The following BCL2L11 variants were observed in gnomAD, a reference collection of about 807,000 sequenced individuals.
BCL2L11 encodes bcl-2-like protein 11.
BCL2L11 carries 15 observed loss-of-function variants against 20.6 expected under a neutral mutation model. The ratio of observed to expected loss-of-function variants is 0.73; its 90% CI spans 0.49 to 1.12. The LOEUF (loss-of-function observed/expected upper bound fraction) is 1.12, where lower values mean the gene tolerates loss of function less well. BCL2L11 is among the 50% of genes most tolerant of loss of function. The pLI is 0.00. For synonymous variants in BCL2L11, 108 were observed against 92.8 expected, an observed-to-expected ratio of 1.16 and a Z score of -0.94; for missense variants, 292 against 260.9, an observed-to-expected ratio of 1.12 and a Z score of -0.82.
At chr2:111,126,793 G>A (rs2072720795) in intron 2 of BCL2L11, among the ~76,000 whole-genome samples, 1 of 152,156 alleles carries the variant, frequency 6.6e-6, no homozygotes, top group Non-Finnish European at 1.5e-5. Context: ...AAGTCATTAT[G>A]ATTGGTTTGA....
intron 1 of BCL2L11, chr2:111,122,881 G>C (rs1035718241): frequency 2.0e-6 from 2 of 985,372 alleles, no homozygotes; most frequent in African/African-American, 3.5e-5. Flanking sequence ...CGCGGGGCTT[G>C]GTCCCTGGCC....
At chr2:111,151,705 G>A (rs888982936) in intron 3 of BCL2L11, 25 of 838,184 alleles carry the variant, frequency 3.0e-5, no homozygotes, top group Middle Eastern at 2.2e-4. Context: ...AACACACATC[G>A]GATCTTCCTA....
intron 2 of BCL2L11, among the ~76,000 whole-genome samples, chr2:111,137,770 T>C (rs2075160860): frequency 6.6e-6 from 1 of 152,028 alleles, no homozygotes; most frequent in South Asian, 2.1e-4. Flanking sequence ...ATTCTGCCCT[T>C]TTTTTGGCAG....
chr2:111,167,740 A>G lies in BCL2L11; in HGVS notation c.*3509A>G, dbSNP rs980409663. 1 of 152,336 alleles carries G rather than the reference A, an allele frequency of 6.6e-6. No individual in the cohort carries two copies. Among genetic ancestry groups the G allele is most frequent in the African/African-American group, 2.4e-5 (1 of 41,420 alleles). The allele number at this position is 152,336 out of a possible 1,614,324, so 9.4% of individuals were successfully genotyped here. ...GCAACTTCCTGTGCTTTGAGGTTGG[A>G]CTAACTTGTCTTCAGGAGCTAATTA... On this transcript the variant is annotated 3_prime_UTR_variant, in exon 4 of 4. Coordinates refer to ENST00000393256, the MANE Select transcript of BCL2L11 (RefSeq NM_138621.5).
chr2:111,151,709 C>A, intron 3 of BCL2L11: 1 of 867,412 alleles, frequency 1.2e-6, no homozygotes, highest in African/African-American at 1.7e-5. Flanking sequence ...CACATCGGAT[C>A]TTCCTACCTT....
At chr2:111,161,624 C>T in intron 3 of BCL2L11, 1 of 1,453,292 alleles carries the variant, frequency 6.9e-7, no homozygotes, top group Non-Finnish European at 9.1e-7. Context: ...CTGGCTCAGT[C>T]TTAGTGTCAT....
chr2:111,122,879 T>C, intron 1 of BCL2L11: 1 of 985,424 alleles, frequency 1.0e-6, no homozygotes, highest in Non-Finnish European at 1.2e-6. Context: ...GCCGCGGGGC[T>C]TGGTCCCTGG....
At chr2:111,131,176 T>G (rs1307379480) in intron 2 of BCL2L11, among the ~76,000 whole-genome samples, 4 of 129,580 alleles carry the variant, frequency 3.1e-5, no homozygotes. Flanking sequence ...TAGAATTCTG[T>G]AGTGAAACCA....
intron 3 of BCL2L11, chr2:111,151,855 A>C: frequency 6.5e-7 from 1 of 1,550,026 alleles, no homozygotes; most frequent in Non-Finnish European, 8.7e-7. Flanking sequence ...CACCTGACAT[A>C]AACCAGTTCA....
At chr2:111,129,359 A>G (rs1037178268) in intron 2 of BCL2L11, among the ~76,000 whole-genome samples, 1 of 152,242 alleles carries the variant, frequency 6.6e-6, no homozygotes, top group African/African-American at 2.4e-5. Context: ...AGAAAGTGCT[A>G]GAAGAGAAAG....
intron 2 of BCL2L11, chr2:111,146,275 A>G: frequency 1.0e-6 from 1 of 960,654 alleles, no homozygotes. Context: ...AAATAAAACC[A>G]TTTTATAGAC....
chr2:111,151,842 C>G (rs1459513863), intron 3 of BCL2L11: 1 of 1,549,536 alleles, frequency 6.5e-7, no homozygotes, highest in Non-Finnish European at 8.7e-7. Flanking sequence ...TCCTGGCATC[C>G]TCCACCTGAC....
chr2:111,130,419 A>G (rs758465825), intron 2 of BCL2L11, among the ~76,000 whole-genome samples: 1 of 152,306 alleles, frequency 6.6e-6, no homozygotes, highest in Middle Eastern at 3.4e-3. Context: ...TTTAGCATCT[A>G]TGTGTTCACT....
intron 3 of BCL2L11, chr2:111,153,652 G>GAT: frequency 2.7e-6 from 3 of 1,126,150 alleles, no homozygotes; most frequent in Non-Finnish European, 3.9e-6. Flanking sequence ...CTTTAGGATG[G>GAT]ATATTAACCT....
chr2:111,161,388 G>A (rs1303046942), intron 3 of BCL2L11: 1 of 1,549,826 alleles, frequency 6.5e-7, no homozygotes, highest in Admixed American at 2.0e-5. Flanking sequence ...GTTTGGGAGT[G>A]GCAGAACTTA....
chr2:111,126,629 C>T (rs1030914873), intron 2 of BCL2L11, among the ~76,000 whole-genome samples: 1 of 152,076 alleles, frequency 6.6e-6, no homozygotes, highest in African/African-American at 2.4e-5. Flanking sequence ...TCTGGACATT[C>T]TACAGTCTTA....
chr2:111,142,267 G>A, intron 2 of BCL2L11: 1 of 1,485,962 alleles, frequency 6.7e-7, no homozygotes, highest in Non-Finnish European at 9.2e-7. Flanking sequence ...ATCTGTCTGG[G>A]AAGACATGGC....
chr2:111,155,142 G>A (rs531546029), intron 3 of BCL2L11, among the ~76,000 whole-genome samples: 51 of 152,342 alleles, frequency 3.3e-4, no homozygotes, highest in African/African-American at 1.2e-3. Context: ...GGTAGCGTAA[G>A]GATGTTAGTA....
At chr2:111,143,341 A>G (rs2076096858) in intron 2 of BCL2L11, among the ~76,000 whole-genome samples, 1 of 152,156 alleles carries the variant, frequency 6.6e-6, no homozygotes, top group African/African-American at 2.4e-5. Context: ...TCAGGAGCAC[A>G]CCAAGGCGGG....
Sources: gnomAD v4.1 joint callset for allele counts (sites outside exome capture counted in the v4.1 genomes callset) on GRCh38, gnomAD v4.1.1 for gene constraint, MANE v1.5 for transcripts, NCBI Gene and HGNC (gene_info 2026-07-23, HGNC 2026-07-21) for gene names.